RGS6: variants seen among roughly 807,000 people sequenced by gnomAD.
The protein encoded by RGS6 is regulator of G-protein signaling 6.
RGS6 carries 30 observed loss-of-function variants against 78.5 expected under a neutral mutation model. The observed-to-expected ratio is 0.38, with a 90% CI of 0.29 to 0.52. RGS6 has a LOEUF of 0.52. Among genes scored for constraint, RGS6 ranks in the 20% least tolerant of loss-of-function variants. RGS6 has a pLI of 0.85. For missense variants in RGS6, 495 were observed against 609.7 expected, an observed-to-expected ratio of 0.81 and a Z score of 1.98; for synonymous variants, 206 against 206.0, an observed-to-expected ratio of 1.00 and a Z score of 0.00.
intron 3 of RGS6, among the ~76,000 whole-genome samples, chr14:72,420,022 G>T (rs995919315): frequency 6.6e-6 from 1 of 152,228 alleles, no homozygotes; most frequent in African/African-American, 2.4e-5. Flanking sequence ...GGAGGTGTTT[G>T]TCAGAATCAG....
At chr14:72,277,934 A>T (rs929223093) in intron 2 of RGS6, among the ~76,000 whole-genome samples, 3 of 152,122 alleles carry the variant, frequency 2.0e-5, no homozygotes, top group Non-Finnish European at 2.9e-5. Context: ...TCAAAATAAT[A>T]AAATAAAATA....
intron 2 of RGS6, among the ~76,000 whole-genome samples, chr14:72,241,784 A>G (rs1446485831): frequency 6.6e-6 from 1 of 152,264 alleles, no homozygotes; most frequent in African/African-American, 2.4e-5. Flanking sequence ...GCCTAAAGGC[A>G]TGAACATTGT....
chr14:72,361,993 G>T (rs2081551821), intron 3 of RGS6, among the ~76,000 whole-genome samples: 1 of 152,170 alleles, frequency 6.6e-6, no homozygotes, highest in Non-Finnish European at 1.5e-5. Flanking sequence ...AGAATGAGAA[G>T]ATGAAAGGAA....
chr14:72,040,477 T>G (rs1343563638), intron 2 of RGS6, among the ~76,000 whole-genome samples: 1 of 152,158 alleles, frequency 6.6e-6, no homozygotes, highest in Non-Finnish European at 1.5e-5. Context: ...AGAAATCTGC[T>G]GATAATCCTA....
At chr14:72,555,538 T>A (rs773245512) in intron 17 of RGS6, among the ~76,000 whole-genome samples, 1 of 152,174 alleles carries the variant, frequency 6.6e-6, no homozygotes, top group Non-Finnish European at 1.5e-5. Flanking sequence ...CCCAGAGAGG[T>A]TGCCCAGTAC....
At chr14:72,366,471 A>G (rs1336064724) in intron 3 of RGS6, among the ~76,000 whole-genome samples, 2 of 152,194 alleles carry the variant, frequency 1.3e-5, no homozygotes, top group African/African-American at 2.4e-5. Context: ...ATTTCTGAGC[A>G]AAAATAGAGA....
intron 2 of RGS6, among the ~76,000 whole-genome samples, chr14:72,302,658 G>GGCCC (rs1291701721): frequency 6.6e-6 from 1 of 151,452 alleles, no homozygotes; most frequent in Admixed American, 6.6e-5. Context: ...CGGCCTCAGA[G>GGCCC]GCCCCCAACA....
chr14:72,481,623 C>A (rs986780969), intron 12 of RGS6, among the ~76,000 whole-genome samples: 1 of 152,096 alleles, frequency 6.6e-6, no homozygotes, highest in African/African-American at 2.4e-5. Context: ...TTAAGTGTCC[C>A]CAAAATGCCA....
intron 2 of RGS6, among the ~76,000 whole-genome samples, chr14:72,335,148 C>T (rs1201869691): frequency 6.6e-6 from 1 of 152,174 alleles, no homozygotes; most frequent in African/African-American, 2.4e-5. Flanking sequence ...GATTGTGAGG[C>T]TTCCCCAGCC....
At chr14:72,514,530 GC>G (rs1233843464) in intron 14 of RGS6, among the ~76,000 whole-genome samples, 1 of 152,186 alleles carries the variant, frequency 6.6e-6, no homozygotes, top group East Asian at 1.9e-4. Context: ...CCACTGCTTC[GC>G]CCCAGTGGTA....
At chr14:72,385,540 G>A (rs74060786) in intron 3 of RGS6, among the ~76,000 whole-genome samples, 2,486 of 152,258 alleles carry the variant, frequency 0.016, 71 homozygotes, top group African/African-American at 0.055. Flanking sequence ...AGTTCTGAAT[G>A]CCTGTTTTCT....
chr14:72,535,953 C>T (rs1177478630), intron 15 of RGS6, among the ~76,000 whole-genome samples: 1 of 152,194 alleles, frequency 6.6e-6, no homozygotes, highest in African/African-American at 2.4e-5. Flanking sequence ...TTACAAATCC[C>T]TCAGGACATG....
the RGS6 span, among the ~76,000 whole-genome samples, chr14:72,609,872 C>G: frequency 2.0e-5 from 3 of 152,222 alleles, no homozygotes; most frequent in Non-Finnish European, 4.4e-5. Context: ...AGACTCAGTC[C>G]TGGTCTGAAG....
intron 2 of RGS6, among the ~76,000 whole-genome samples, chr14:72,059,942 G>A (rs1302850559): frequency 6.6e-6 from 1 of 152,116 alleles, no homozygotes; most frequent in Non-Finnish European, 1.5e-5. Flanking sequence ...ATGGTAGCTG[G>A]GCTTGAACAG....
chr14:71,991,235 C>G (rs540110256), intron 2 of RGS6, among the ~76,000 whole-genome samples: 3 of 152,286 alleles, frequency 2.0e-5, no homozygotes, highest in African/African-American at 4.8e-5. Flanking sequence ...GGTATTGCCT[C>G]TAAACCTTGC....
intron 14 of RGS6, among the ~76,000 whole-genome samples, chr14:72,513,720 C>T (rs2096906748): frequency 6.6e-6 from 1 of 152,220 alleles, no homozygotes; most frequent in South Asian, 2.1e-4. Flanking sequence ...CCACATCTCC[C>T]CTACACAAAT....
chr14:71,874,983 G>T, the RGS6 span, among the ~76,000 whole-genome samples: 1 of 152,310 alleles, frequency 6.6e-6, no homozygotes, highest in Non-Finnish European at 1.5e-5. Context: ...TTGCATCCCA[G>T]GGATGAAGCC....
chr14:72,228,142 G>A (rs1487201402), intron 2 of RGS6, among the ~76,000 whole-genome samples: 1 of 152,168 alleles, frequency 6.6e-6, no homozygotes, highest in Middle Eastern at 3.2e-3. Context: ...ACTTTGGGAG[G>A]CCGAGGTGGG....
the RGS6 span, among the ~76,000 whole-genome samples, chr14:72,587,733 C>T: frequency 6.6e-6 from 1 of 152,198 alleles, no homozygotes; most frequent in Admixed American, 6.5e-5. Context: ...TGAGTCCTAT[C>T]CAAATCTCAT....
Sources: allele counts gnomAD v4.1 joint callset (sites outside exome capture counted in the v4.1 genomes callset), GRCh38; gene constraint gnomAD v4.1.1; transcripts MANE v1.5; gene names NCBI Gene and HGNC (gene_info 2026-07-23, HGNC 2026-07-21).